Variants in USP47 observed in about 807,000 individuals in gnomAD.
USP47 encodes the protein ubiquitin carboxyl-terminal hydrolase 47.
USP47 carries 35 observed loss-of-function variants against 165.1 expected under a neutral mutation model. The observed-to-expected ratio is 0.21, with a 90% CI of 0.16 to 0.28. USP47 has a LOEUF of 0.28. USP47 is among the 10% of genes least tolerant of loss of function. The pLI is 1.00. For missense variants in USP47, 1,277 were observed against 1,607.4 expected (o/e 0.79, Z 3.52); for synonymous variants, 531 against 544.5 (o/e 0.98, Z 0.35).
At chr11:11,921,966 C>T (rs1339086596) in intron 10 of USP47, among the ~76,000 whole-genome samples, 1 of 151,898 alleles carries the variant, frequency 6.6e-6, no homozygotes, top group Non-Finnish European at 1.5e-5. Flanking sequence ...AAAGTTTGTG[C>T]TTATTGTATA....
chr11:11,881,030 A>G (rs980253244), intron 2 of USP47, among the ~76,000 whole-genome samples: 22 of 152,022 alleles, frequency 1.4e-4, no homozygotes, highest in African/African-American at 5.3e-4. Context: ...TTCCTTAATT[A>G]TTTATCCCTT....
chr11:11,898,701 C>T (rs529096802), intron 5 of USP47, among the ~76,000 whole-genome samples: 1 of 152,150 alleles, frequency 6.6e-6, no homozygotes, highest in South Asian at 2.1e-4. Context: ...CAGCCAAATA[C>T]CATTAGAGTT....
chr11:11,929,307 A>T, intron 11 of USP47, 127 bp from the exon 12 acceptor site: 1 of 1,309,472 alleles, frequency 7.6e-7, no homozygotes, highest in Non-Finnish European at 1.0e-6. Context: ...CTTAGGGGAA[A>T]GTTGACCTGT....
chr11:11,908,898 T>A (rs1403692218), intron 8 of USP47, among the ~76,000 whole-genome samples: 1 of 152,170 alleles, frequency 6.6e-6, no homozygotes, highest in Non-Finnish European at 1.5e-5. Flanking sequence ...TTGGGGAAGG[T>A]GTCCTTGATT....
In USP47 at chr11:11,955,121, T is replaced by C. The variant is rs1856478200; in HGVS notation, c.3850T>C (p.Trp1284Arg). The C allele has an allele frequency of 6.2e-7, 1 of 1,613,998 alleles. No individual in the cohort carries two copies. Among genetic ancestry groups the C allele is most frequent in the Non-Finnish European group, 8.5e-7 (1 of 1,179,938 alleles). The part of the protein sequence containing the change: ...WNPKVSTLNV[W>R]PLYICDDGAV... Reference sequence around the variant, plus strand: ...TCCTAAAGTTTCTACCCTGAATGTCTGGCCTCTTTATATCTGTGATGATGG... The same window carrying C: ...TCCTAAAGTTTCTACCCTGAATGTCCGGCCTCTTTATATCTGTGATGATGG... The change falls in exon 27 of 28, where the codon TGG becomes CGG. Residue 1284 changes from tryptophan (W) to arginine (R), a missense_variant. By Grantham distance (101) the Trp-to-Arg change is moderately radical (BLOSUM62 -3). Coordinates refer to ENST00000527733, the MANE Select transcript of USP47 (RefSeq NM_001282659.2).
chr11:11,855,195 ATTAGT>A (rs1848967853), intron 1 of USP47, among the ~76,000 whole-genome samples: 1 of 152,216 alleles, frequency 6.6e-6, no homozygotes, highest in Non-Finnish European at 1.5e-5. Context: ...TCTGAGAAAA[ATTAGT>A]TTGGTTTATA....
chr11:11,921,735 A>G (rs531303708), intron 10 of USP47, among the ~76,000 whole-genome samples: 4 of 151,994 alleles, frequency 2.6e-5, no homozygotes, highest in African/African-American at 7.2e-5. Flanking sequence ...CCAAAGAAGG[A>G]AAACTTATAT....
chr11:11,850,589 T>G (rs1278004932), intron 1 of USP47, among the ~76,000 whole-genome samples: 1 of 152,176 alleles, frequency 6.6e-6, no homozygotes, highest in Non-Finnish European at 1.5e-5. Flanking sequence ...CTCATGATCC[T>G]TGGCAGTCTG....
At chr11:11,927,828 C>G (rs1166872024) in intron 11 of USP47, among the ~76,000 whole-genome samples, 1 of 151,990 alleles carries the variant, frequency 6.6e-6, no homozygotes, top group Non-Finnish European at 1.5e-5. Context: ...AATTATCATG[C>G]TACATTTGGA....
intron 18 of USP47, 29 bp from the exon 19 acceptor site, chr11:11,940,400 T>G (rs755830489): frequency 6.4e-7 from 1 of 1,563,556 alleles, no homozygotes; most frequent in Non-Finnish European, 8.7e-7. Flanking sequence ...TTTGAAAGAG[T>G]ACTTTTTATT....
intron 8 of USP47, 41 bp from the exon 9 acceptor site, chr11:11,920,115 A>T: frequency 7.1e-7 from 1 of 1,400,842 alleles, no homozygotes; most frequent in Non-Finnish European, 9.6e-7. Context: ...TCATTAATAT[A>T]ATATTTTAAG....
At chr11:11,942,083 A>G (rs1855511186) in intron 19 of USP47, among the ~76,000 whole-genome samples, 1 of 152,114 alleles carries the variant, frequency 6.6e-6, no homozygotes, top group Non-Finnish European at 1.5e-5. Context: ...CAACCCAATA[A>G]ACAAGATGTT....
At chr11:11,900,275 C>T (rs1354064082) in intron 5 of USP47, among the ~76,000 whole-genome samples, 1 of 151,410 alleles carries the variant, frequency 6.6e-6, no homozygotes, top group East Asian at 2.0e-4. Context: ...ATTCTCCTGC[C>T]TCAGCCTCCC....
chr11:11,913,917 A>T (rs2134540515), intron 8 of USP47, among the ~76,000 whole-genome samples: 1 of 152,224 alleles, frequency 6.6e-6, no homozygotes, highest in East Asian at 1.9e-4. Context: ...AAAAGAATAA[A>T]TGGAGAAACA....
chr11:11,851,931 A>G (rs1315677340), intron 1 of USP47, among the ~76,000 whole-genome samples: 2 of 152,186 alleles, frequency 1.3e-5, no homozygotes, highest in Middle Eastern at 6.3e-3. Flanking sequence ...GTAGGGGGGC[A>G]TGATGCTGAT....
intron 24 of USP47, chr11:11,952,348 GAGA>G (rs1856279791): frequency 6.6e-6 from 1 of 152,424 alleles, no homozygotes. Flanking sequence ...TAAATGGAAA[GAGA>G]AGGATTAATA....
intron 8 of USP47, among the ~76,000 whole-genome samples, chr11:11,915,360 G>T (rs1165551673): frequency 6.6e-6 from 1 of 152,160 alleles, no homozygotes; most frequent in South Asian, 2.1e-4. Flanking sequence ...GGAGAAGCAG[G>T]TGGTTGTGGC....
intron 8 of USP47, among the ~76,000 whole-genome samples, chr11:11,919,579 A>G (rs4281480): frequency 0.13 from 19,777 of 151,818 alleles, 1,908 homozygotes; most frequent in Admixed American, 0.31. Context: ...GATCCTCATT[A>G]TACATTTCCA....
rs182908303 is a variant in USP47, at chr11:11,880,715, T to C, written c.243+335T>C. Among the ~76,000 whole-genome samples, 3 of 152,284 alleles carry C rather than the reference T, an allele frequency of 2.0e-5. No homozygotes were observed. In the East Asian group the frequency reaches 5.8e-4, roughly 29 times the overall value. On this transcript the variant is annotated intron_variant, in intron 2 of 27. Coordinates refer to ENST00000527733, the MANE Select transcript of USP47 (RefSeq NM_001282659.2). ...TCTTATATTATTCCGTGAAAAAAGA[T>C]TGTAAAATCATATTTTATGATCTGA...
Sources: gnomAD v4.1 joint callset for allele counts (sites outside exome capture counted in the v4.1 genomes callset) on GRCh38, gnomAD v4.1.1 for gene constraint, MANE v1.5 for transcripts, NCBI Gene and HGNC (gene_info 2026-07-23, HGNC 2026-07-21) for gene names.